Variants in AR observed in about 807,000 individuals in gnomAD.
The protein encoded by AR is dihydrotestosterone receptor.
A neutral mutation model predicts 53.9 loss-of-function variants in AR; 8 were observed. That is an observed-to-expected ratio of 0.15 (90% confidence interval 0.09 to 0.27). The LOEUF (loss-of-function observed/expected upper bound fraction) is 0.27, where lower values mean the gene tolerates loss of function less well. AR is among the 10% of genes least tolerant of loss of function. AR has a pLI of 1.00. For synonymous variants in AR, 359 were observed against 316.4 expected, an observed-to-expected ratio of 1.13 and a Z score of -1.43; for missense variants, 639 against 742.5, an observed-to-expected ratio of 0.86 and a Z score of 1.62.
chrX:67,653,247 A>G (rs1387458689), intron 2 of AR, among the ~76,000 whole-genome samples: 5 of 112,196 alleles, frequency 4.5e-5, no homozygotes, highest in Admixed American at 3.8e-4. Flanking sequence ...CAAATGAGGA[A>G]ACTGAGGCAC....
At chrX:67,713,109 G>T (rs2076100044) in intron 4 of AR, among the ~76,000 whole-genome samples, 1 of 111,866 alleles carries the variant, frequency 8.9e-6, no homozygotes, top group African/African-American at 3.3e-5. Context: ...CTGTAGCTCT[G>T]GGCTTTACAG....
intron 3 of AR, among the ~76,000 whole-genome samples, chrX:67,698,108 A>T (rs1377649151): frequency 1.8e-5 from 2 of 112,295 alleles, no homozygotes; most frequent in East Asian, 5.6e-4. Flanking sequence ...GTTACAAATG[A>T]GGCATCCTGA....
At chrX:67,654,993 G>A (rs1793006266) in intron 2 of AR, among the ~76,000 whole-genome samples, 1 of 104,556 alleles carries the variant, frequency 9.6e-6, no homozygotes, top group Non-Finnish European at 2.0e-5. Flanking sequence ...ACTCTATTTT[G>A]TTTAAAATGA....
Position 67,730,481 on chromosome X carries a change from T to G in AR, c.*6640T>G. The G allele has an allele frequency of 5.7e-6, 1 of 174,242 alleles. No homozygotes were observed. The highest frequency in any genetic ancestry group is 1.1e-5 in the Non-Finnish European group (1 of 90,603). The allele number at this position is 174,242 out of a possible 1,213,427, so 14.4% of individuals were successfully genotyped here. ...TGTGTAAAATATTGGCTTACTGGTC[T>G]GCCAGCTAAAACTTGGCCACATCCC... is the stretch of plus-strand genomic sequence containing the variant. On this transcript the variant is annotated 3_prime_UTR_variant, in exon 8 of 8. Transcript: ENST00000374690.
At position 67,698,905 on chromosome X, in the gene AR, A is replaced by G. The variant is rs190089849; in HGVS notation, c.1886-12497A>G. Among the ~76,000 whole-genome samples the G allele has an allele frequency of 8.1e-5, 9 of 111,743 alleles. No individual in the cohort carries two copies. In the Admixed American group the frequency reaches 8.6e-4, roughly 11 times the overall value. On this transcript the variant is annotated intron_variant, in intron 3 of 7. Transcript: ENST00000374690. Reference sequence around the variant, plus strand: ...TTGGAGGGTTCACTGTGTCCCAAGCATCCTCTCATTTAGTTCTCATAAGTG... The same window carrying G: ...TTGGAGGGTTCACTGTGTCCCAAGCGTCCTCTCATTTAGTTCTCATAAGTG...
intron 1 of AR, among the ~76,000 whole-genome samples, chrX:67,623,140 C>G (rs1924457410): frequency 9.0e-6 from 1 of 110,953 alleles, no homozygotes; most frequent in East Asian, 2.8e-4. Flanking sequence ...GAAGGCAAGA[C>G]TTCCAGAATG....
chrX:67,595,033 G>C (rs1011985184), intron 1 of AR, among the ~76,000 whole-genome samples: 1 of 111,568 alleles, frequency 9.0e-6, no homozygotes, highest in Non-Finnish European at 1.9e-5. Context: ...GAATGCAAAA[G>C]ATTCTGAAGG....
intron 2 of AR, among the ~76,000 whole-genome samples, chrX:67,663,512 T>G (rs1927073266): frequency 8.9e-6 from 1 of 112,572 alleles, no homozygotes; most frequent in Admixed American, 9.4e-5. Flanking sequence ...TCTGATGGGC[T>G]TCCCTTTGTG....
At chrX:67,659,681 T>C (rs940058001) in intron 2 of AR, among the ~76,000 whole-genome samples, 8 of 111,924 alleles carry the variant, frequency 7.1e-5, no homozygotes, top group Admixed American at 2.9e-4. Context: ...TAAACATACG[T>C]GTGCATGTGT....
chrX:67,680,487 A>T (rs771128900), intron 2 of AR, among the ~76,000 whole-genome samples: 3 of 112,177 alleles, frequency 2.7e-5, no homozygotes, highest in Non-Finnish European at 3.8e-5. Flanking sequence ...GGAATATGGT[A>T]CAACTTTGCA....
chrX:67,695,738 AACACACACACACACACAC>A (rs760106489), intron 3 of AR: 13 of 680,049 alleles, frequency 1.9e-5, no homozygotes, highest in Non-Finnish European at 2.0e-5. Flanking sequence ...AGTCTGTCTA[AACACACACACACACACAC>A]ACACACACAC....
chrX:67,688,079 G>A (rs1220975188), intron 3 of AR, among the ~76,000 whole-genome samples: 1 of 111,869 alleles, frequency 8.9e-6, no homozygotes. Context: ...ATTTGAGTGG[G>A]CTTGGTGAAC....
chrX:67,587,710 A>T (rs1922617233), intron 1 of AR, among the ~76,000 whole-genome samples: 1 of 111,512 alleles, frequency 9.0e-6, no homozygotes, highest in African/African-American at 3.3e-5. Flanking sequence ...GATTTGGGTT[A>T]TACTTACTCA....
At chrX:67,580,087 A>T (rs1401566173) in intron 1 of AR, among the ~76,000 whole-genome samples, 8 of 109,153 alleles carry the variant, frequency 7.3e-5, no homozygotes, top group Non-Finnish European at 1.3e-4. Flanking sequence ...CGTATTTGTC[A>T]GATCCTGCTC....
chrX:67,722,139 A>G, intron 6 of AR, 176 bp downstream of exon 6: 1 of 568,407 alleles, frequency 1.8e-6, no homozygotes, highest in Non-Finnish European at 2.8e-6. Context: ...ACAAGAAACA[A>G]TTTCATGACT....
At chrX:67,704,964 A>G (rs1286068278) in intron 3 of AR, among the ~76,000 whole-genome samples, 2 of 111,703 alleles carry the variant, frequency 1.8e-5, no homozygotes, top group African/African-American at 6.5e-5. Context: ...GTAGATACGC[A>G]GCATTATTTC....
At chrX:67,609,176 A>AAGTT (rs1268694176) in intron 1 of AR, among the ~76,000 whole-genome samples, 1 of 111,339 alleles carries the variant, frequency 9.0e-6, no homozygotes, top group Non-Finnish European at 1.9e-5. Flanking sequence ...TTATTTTTTA[A>AAGTT]ATATTTTATA....
chrX:67,722,999 G>A lies in AR; in HGVS notation c.2607+15G>A, dbSNP rs2147538428. 8.3e-6 allele frequency: 10 copies of A among 1,210,624 alleles called. No homozygotes were observed. Among genetic ancestry groups the A allele is most frequent in the Non-Finnish European group, 1.1e-5 (10 of 894,537 alleles). On this transcript the variant is annotated intron_variant, in intron 7 of 7. Transcript: ENST00000374690. Reference sequence around the variant, plus strand: ...CCGTGCAGCCTGTAAGCAAACGATGGAGGGTGCTTTATCAGGGAGAACAGC... The same window carrying A: ...CCGTGCAGCCTGTAAGCAAACGATGAAGGGTGCTTTATCAGGGAGAACAGC...
At chrX:67,648,597 G>T (rs927296818) in intron 2 of AR, among the ~76,000 whole-genome samples, 2 of 111,837 alleles carry the variant, frequency 1.8e-5, no homozygotes, top group African/African-American at 6.5e-5. Context: ...AAATAATTTA[G>T]CTCTGTAACT....
Sources: allele counts gnomAD v4.1 joint callset (sites outside exome capture counted in the v4.1 genomes callset), GRCh38; gene constraint gnomAD v4.1.1; transcripts MANE v1.5; gene names NCBI Gene and HGNC (gene_info 2026-07-23, HGNC 2026-07-21).